Variants in UCN3 observed in about 807,000 individuals in gnomAD.
UCN3 encodes the protein urocortin 3.
In UCN3, 3 loss-of-function variants were observed where a neutral mutation model predicts 3.6. The observed-to-expected ratio is 0.83, with a 90% CI of 0.38 to 2.15. UCN3 has a LOEUF of 2.15. Ranked by LOEUF, UCN3 falls within the 30% of genes most tolerant of loss-of-function variation. UCN3 has a pLI of 0.06. For missense variants in UCN3, 206 were observed against 208.3 expected, an observed-to-expected ratio of 0.99 and a Z score of 0.07; for synonymous variants, 100 against 93.2, an observed-to-expected ratio of 1.07 and a Z score of -0.42.
chr10:5,369,915 ATGTGTGTGTATGTGTG>A (rs1831321021), intron 1 of UCN3, among the ~76,000 whole-genome samples: 1 of 77,460 alleles, frequency 1.3e-5, no homozygotes, highest in Non-Finnish European at 2.4e-5. Context: ...GTGTGTGTAT[ATGTGTGTGTATGTGTG>A]TGTGTGTATG....
Position 5,370,653 on chromosome 10 carries a change from GTATGTGTGTGTA to G in UCN3, c.-6-3060_-6-3049del, listed in dbSNP as rs1485109293. On this transcript the variant is annotated intron_variant, in intron 1 of 1. Transcript: ENST00000380433. ...TGTGTATGTGTGTGTATATGTGTGT[GTATGTGTGTGTA>G]TGTGTGTGTATGTGTGTGTGTATGT... Among the ~76,000 whole-genome samples, 95 of 67,550 alleles carry G rather than the reference GTATGTGTGTGTA, an allele frequency of 1.4e-3. 16 individuals carry two copies. The highest frequency in any genetic ancestry group is 5.8e-3 in the African/African-American group (89 of 15,342). 44.3% of individuals were successfully genotyped at this position (67,550 alleles called of 152,430 possible).
chr10:5,370,112 T>TGCGTGTGTATATGC lies in UCN3; in HGVS notation c.-6-3602_-6-3601insCGTGTGTATATGCG, dbSNP rs1491437340. Among the ~76,000 whole-genome samples, 14 of 76,444 alleles carry TGCGTGTGTATATGC rather than the reference T, an allele frequency of 1.8e-4. 3 individuals are homozygous for TGCGTGTGTATATGC. The highest frequency in any genetic ancestry group is 1.2e-3 in the African/African-American group (14 of 11,972). The allele number at this position is 76,444 out of a possible 152,430, so 50.2% of individuals were successfully genotyped here. A position where few individuals can be genotyped will look rare whatever the true frequency, so the allele number is the denominator to read the frequency against. ...ATGCGTGTGTATATGCGTGTGTATA[T>TGCGTGTGTATATGC]GTGTGTGTATGTGTGTGTATGTGTG... On this transcript the variant is annotated intron_variant, in intron 1 of 1. Transcript: ENST00000380433.
intron 1 of UCN3, among the ~76,000 whole-genome samples, chr10:5,372,868 C>T (rs1831449556): frequency 1.3e-5 from 2 of 151,828 alleles, no homozygotes; most frequent in South Asian, 4.2e-4. Flanking sequence ...TTTTATTTTT[C>T]TTTTTTTAAA....
chr10:5,371,870 C>A (rs1249479032), intron 1 of UCN3, among the ~76,000 whole-genome samples: 2 of 151,736 alleles, frequency 1.3e-5, no homozygotes, highest in East Asian at 3.9e-4. Flanking sequence ...TTCTTGCTTG[C>A]TTTTGTGAAA....
In UCN3 at chr10:5,367,885, G is replaced by A. The variant is rs1406877140; in HGVS notation, c.-7+2655G>A. Among the ~76,000 whole-genome samples the A allele has an allele frequency of 1.3e-5, 2 of 152,206 alleles. No homozygotes were observed. Among genetic ancestry groups the A allele is most frequent in the Non-Finnish European group, 2.9e-5 (2 of 68,032 alleles). ...CCCTGGGCTGGGGTGCAGGGTTTGA[G>A]TGAGGAAGCAAAATAAACAAATGGG... On this transcript the variant is annotated intron_variant, in intron 1 of 1. Transcript: ENST00000380433. This position sits in a 1 kb window ranked among gnomAD's most constrained non-coding sequence, Gnocchi z 4.3.
intron 1 of UCN3, among the ~76,000 whole-genome samples, chr10:5,369,538 G>A (rs555826966): frequency 1.2e-4 from 18 of 152,318 alleles, no homozygotes; most frequent in South Asian, 2.1e-4. Context: ...AAATAAGGAC[G>A]AAGAAGGAAT....
In UCN3 at chr10:5,373,955, A is replaced by G. The variant is rs201224665; in HGVS notation, c.235A>G (p.Lys79Glu). The part of the protein sequence containing the change: ...SGEEEEGKEK[K>E]TFPISGARGG... ...AGAGGAGGAGGAGGGCAAAGAGAAA[A>G]AGACTTTCCCCATCTCTGGGGCCAG... The change falls in exon 2 of 2, where the codon AAG becomes GAG. Residue 79 changes from lysine (K) to glutamate (E), a missense_variant. Coordinates refer to ENST00000380433, the MANE Select transcript of UCN3 (RefSeq NM_053049.4). The G allele has an allele frequency of 6.2e-7, 1 of 1,611,410 alleles. No individual in the cohort carries two copies. Among genetic ancestry groups the G allele is most frequent in the Non-Finnish European group, 8.5e-7 (1 of 1,178,798 alleles).
chr10:5,370,185 GTA>G (rs1460385126), intron 1 of UCN3, among the ~76,000 whole-genome samples: 1 of 93,796 alleles, frequency 1.1e-5, no homozygotes, highest in Non-Finnish European at 1.9e-5. Context: ...ATATGCGTGT[GTA>G]TATGCGTGTG....
rs1389789935 is a variant in UCN3, at chr10:5,370,685, GTA to G, written c.-6-3028_-6-3027del. 1.1e-3 allele frequency among the ~76,000 whole-genome samples: 77 copies of G among 72,852 alleles called. 11 individuals carry two copies. Among genetic ancestry groups the G allele is most frequent in the East Asian group, 2.2e-3 (3 of 1,384 alleles). 47.8% of individuals were successfully genotyped at this position (72,852 alleles called of 152,430 possible). ...TGTGTATGTGTGTGTATGTGTGTGTGTATGTGTGTATATGTGTGTGTATATGA... is the reference window on the plus strand; with the variant it reads ...TGTGTATGTGTGTGTATGTGTGTGTGTGTGTGTATATGTGTGTGTATATGA... On this transcript the variant is annotated intron_variant, in intron 1 of 1. Transcript: ENST00000380433.
chr10:5,374,124 T>A lies in UCN3; in HGVS notation c.404T>A (p.Phe135Tyr). The change falls in exon 2 of 2, where the codon TTC becomes TAC. Residue 135 changes from phenylalanine to tyrosine, a missense_variant. Coordinates refer to ENST00000380433, the MANE Select transcript of UCN3 (RefSeq NM_053049.4). Reference sequence around the variant, plus strand: ...CCCACCAACATCATGAACCTCCTCTTCAACATCGCCAAGGCCAAGAACCTG... The same window carrying A: ...CCCACCAACATCATGAACCTCCTCTACAACATCGCCAAGGCCAAGAACCTG... ...DVPTNIMNLL[F>Y]NIAKAKNLRA... is the part of the protein sequence containing the mutation. The A allele has an allele frequency of 1.9e-6, 3 of 1,612,858 alleles. No homozygotes were observed. The highest frequency in any genetic ancestry group is 2.5e-6 in the Non-Finnish European group (3 of 1,179,794).
rs1834120406 is a variant in UCN3 at position 5,366,648 on chromosome 10, T to G, written c.-7+1418T>G. Among the ~76,000 whole-genome samples, 1 of 152,206 alleles carries G rather than the reference T, an allele frequency of 6.6e-6. No homozygotes were observed. The highest frequency in any genetic ancestry group is 2.4e-5 in the African/African-American group (1 of 41,456). ...TTCCAGCCCCCAGCCACTCACACAC[T>G]TTGATGGTGAAACCATCCAGGGTTG... On this transcript the variant is annotated intron_variant, in intron 1 of 1. Transcript: ENST00000380433. This position sits in a 1 kb window ranked among gnomAD's most constrained non-coding sequence, Gnocchi z 4.2.
chr10:5,368,362 A>C (rs575999917), intron 1 of UCN3, among the ~76,000 whole-genome samples: 2 of 152,242 alleles, frequency 1.3e-5, no homozygotes, highest in African/African-American at 4.8e-5. Context: ...ATTTGGTGAA[A>C]ATCAAGAACT....
At chr10:5,369,259 A>T (rs1213830143) in intron 1 of UCN3, among the ~76,000 whole-genome samples, 1 of 152,180 alleles carries the variant, frequency 6.6e-6, no homozygotes, top group African/African-American at 2.4e-5. Context: ...ACATATGTGT[A>T]TTGTGTATAC....
rs1554811833 is a variant in UCN3 at position 5,374,225 on chromosome 10, A to G, written c.*19A>G. The G allele has an allele frequency of 3.1e-6, 3 of 959,248 alleles. No homozygotes were observed. The highest frequency in any genetic ancestry group is 6.6e-5 in the South Asian group (2 of 30,370). The allele number at this position is 959,248 out of a possible 1,614,324, so 59.4% of individuals were successfully genotyped here. A position where few individuals can be genotyped will look rare whatever the true frequency, so the allele number is the denominator to read the frequency against. Reference sequence around the variant, plus strand: ...GAAGTAGAGGCGGAGGCTGGACGGGAGGGCAGCGGGGTGGGGAGGGGGAGG... The same window carrying G: ...GAAGTAGAGGCGGAGGCTGGACGGGGGGGCAGCGGGGTGGGGAGGGGGAGG... On this transcript the variant is annotated 3_prime_UTR_variant, in exon 2 of 2. Transcript: ENST00000380433.
intron 1 of UCN3, among the ~76,000 whole-genome samples, chr10:5,369,904 T>TGTGTATGC (rs1831320070): frequency 9.0e-6 from 1 of 110,900 alleles, no homozygotes; most frequent in African/African-American, 3.8e-5. Context: ...TGTGTATATG[T>TGTGTATGC]GTGTGTGTAT....
intron 1 of UCN3, among the ~76,000 whole-genome samples, chr10:5,371,129 A>G (rs1053610476): frequency 1.0e-4 from 15 of 149,312 alleles, no homozygotes; most frequent in African/African-American, 3.5e-4. Flanking sequence ...TGAGGTATGT[A>G]TGTGTGTGCA....
chr10:5,373,937 G>C lies in UCN3; in HGVS notation c.217G>C (p.Glu73Gln). 1 of 1,612,658 alleles carries C rather than the reference G, an allele frequency of 6.2e-7. No homozygotes were observed. The highest frequency in any genetic ancestry group is 8.5e-7 in the Non-Finnish European group (1 of 1,179,354). Residue 73 changes from glutamate (E) to glutamine (Q), a missense_variant, in exon 2 of 2, where the codon GAG (glutamate) becomes CAG (glutamine). Glu to Gln is a conservative substitution (Grantham distance 29). Transcript: ENST00000380433. ...RSRDASSGEE[E>Q]EGKEKKTFPI... ...CAGAGACGCCTCTTCGGGAGAGGAGGAGGAGGGCAAAGAGAAAAAGACTTT... is the reference window on the plus strand; with the variant it reads ...CAGAGACGCCTCTTCGGGAGAGGAGCAGGAGGGCAAAGAGAAAAAGACTTT...
intron 1 of UCN3, among the ~76,000 whole-genome samples, chr10:5,370,861 G>A (rs1180999365): frequency 2.5e-5 from 3 of 121,394 alleles, no homozygotes; most frequent in Admixed American, 8.6e-5. Context: ...GCGTGTGTGT[G>A]CGTGTGTATG....
At chr10:5,370,397 A>ATG (rs1381184512) in intron 1 of UCN3, among the ~76,000 whole-genome samples, 9 of 34,898 alleles carry the variant, frequency 2.6e-4, no homozygotes, top group East Asian at 1.4e-3. Flanking sequence ...GCGTGTGTAT[A>ATG]TGTGTGTGTA....
Sources: allele counts gnomAD v4.1 joint callset (sites outside exome capture counted in the v4.1 genomes callset), GRCh38; gene constraint gnomAD v4.1.1; non-coding constraint Gnocchi (gnomAD v3.1); transcripts MANE v1.5; gene names NCBI Gene and HGNC (gene_info 2026-07-23, HGNC 2026-07-21).